The following MAGEB6B variants were observed in gnomAD, a reference collection of about 807,000 sequenced individuals.
The protein encoded by MAGEB6B is MAGE family member B6B.
For missense variants in MAGEB6B, 277 were observed against 251.5 expected, an observed-to-expected ratio of 1.10 and a Z score of -0.69; for synonymous variants, 107 against 102.3, an observed-to-expected ratio of 1.05 and a Z score of -0.27.
exon 1 of MAGEB6B, chrX:26,160,826 G>A: frequency 1.6e-6 from 1 of 628,953 alleles, no homozygotes; most frequent in Non-Finnish European, 2.8e-6. Flanking sequence ...TCCTGATGCA[G>A]GTGCTTCATG....
exon 1 of MAGEB6B, chrX:26,160,665 C>T (rs1180589036): frequency 3.5e-6 from 2 of 571,980 alleles, no homozygotes; most frequent in South Asian, 2.2e-5. Context: ...CATGATCAGC[C>T]GCAAGGTCTC....
At chrX:26,161,041 G>A in exon 1 of MAGEB6B, 1 of 1,080,457 alleles carries the variant, frequency 9.3e-7, no homozygotes, top group Non-Finnish European at 1.3e-6. Context: ...TTCCTCAGGA[G>A]TCTCAGGGAG....
chrX:26,162,333 A>G (rs5944335), downstream of MAGEB6B, among the ~76,000 whole-genome samples: 4,840 of 112,005 alleles, frequency 0.043, 153 homozygotes, highest in African/African-American at 0.11. Context: ...AAATGTAAAA[A>G]TTGTTTAATT....
At chrX:26,161,113 G>A (rs774308458) in exon 1 of MAGEB6B, 2 of 1,006,000 alleles carry the variant, frequency 2.0e-6, no homozygotes, top group Non-Finnish European at 2.8e-6. Context: ...TGGCTGCCAA[G>A]GGTCAAGATG....
chrX:26,162,203 T>A (rs1928700253), downstream of MAGEB6B, among the ~76,000 whole-genome samples: 1 of 112,099 alleles, frequency 8.9e-6, no homozygotes, highest in African/African-American at 3.2e-5. Context: ...ATTCATATTT[T>A]CTTTATAATT....
exon 1 of MAGEB6B, chrX:26,161,234 A>C (rs1161775733): frequency 2.7e-6 from 2 of 732,387 alleles, no homozygotes; most frequent in African/African-American, 4.2e-5. Flanking sequence ...GAAGTTTGAG[A>C]AGAAAGAGCC....
At chrX:26,161,972 G>T (rs148361973), downstream of MAGEB6B, 9,654 of 504,079 alleles carry the variant, frequency 0.019, 89 homozygotes, top group Non-Finnish European at 0.024. Context: ...TATAGTAGAG[G>T]CTGGAGGGAA....
In MAGEB6B at chrX:26,160,833, C is replaced by G; in HGVS notation, c.233C>G (p.Ser78Ter). Reference sequence around the variant, plus strand: ...ACTGGCTATCCTGATGCAGGTGCTTCATGCTCAAAATATGATGTGGCTGCC... The same window carrying G: ...ACTGGCTATCCTGATGCAGGTGCTTGATGCTCAAAATATGATGTGGCTGCC... Residue 78 changes from serine (S) to a stop codon, truncating the protein, a stop_gained, in exon 1 of 1, where the codon TCA (serine) becomes TGA (stop). Transcript: ENST00000416929. LOFTEE classifies it low-confidence loss of function (END_TRUNC). 1.6e-6 allele frequency: 1 copy of G among 623,402 alleles called. No homozygotes were observed. The highest frequency in any genetic ancestry group is 2.8e-6 in the Non-Finnish European group (1 of 359,428). 51.4% of individuals were successfully genotyped at this position (623,402 alleles called of 1,213,427 possible).
chrX:26,161,883 C>T, downstream of MAGEB6B: 1 of 1,089,082 alleles, frequency 9.2e-7, no homozygotes, highest in Non-Finnish European at 1.3e-6. Context: ...TCCTACAGAT[C>T]CTCCCATTTC....
downstream of MAGEB6B, among the ~76,000 whole-genome samples, chrX:26,162,191 C>A (rs1321870622): frequency 9.0e-6 from 1 of 111,540 alleles, no homozygotes; most frequent in Non-Finnish European, 1.9e-5. Context: ...AAATCATACA[C>A]CATTCATATT....
At chrX:26,160,685 C>A (rs781452973) in exon 1 of MAGEB6B, 3 of 572,209 alleles carry the variant, frequency 5.2e-6, no homozygotes, top group East Asian at 6.5e-5. Context: ...CACAGGTCCC[C>A]AGGCCACTGC....
exon 1 of MAGEB6B, chrX:26,161,631 A>T: frequency 8.3e-7 from 1 of 1,211,444 alleles, no homozygotes; most frequent in African/African-American, 1.7e-5. Flanking sequence ...TACGTGGTTT[A>T]CCGGCAGGTG....
At chrX:26,160,635 G>A (rs767190690) in exon 1 of MAGEB6B, 1 of 571,639 alleles carries the variant, frequency 1.7e-6, no homozygotes, top group Non-Finnish European at 3.2e-6. Flanking sequence ...CTCCGTGCCC[G>A]TGGGAAACGC....
At chrX:26,161,472 T>C in exon 1 of MAGEB6B, 6 of 1,182,984 alleles carry the variant, frequency 5.1e-6, no homozygotes, top group Non-Finnish European at 6.9e-6. Flanking sequence ...CTGATGTCGA[T>C]CCTGGGTTTG....
exon 1 of MAGEB6B, chrX:26,161,110 C>T (rs1681122719): frequency 2.9e-6 from 3 of 1,024,252 alleles, no homozygotes; most frequent in Non-Finnish European, 2.8e-6. Flanking sequence ...ATGTGGCTGC[C>T]AAGGGTCAAG....
exon 1 of MAGEB6B, chrX:26,160,666 G>A (rs772325661): frequency 1.1e-5 from 6 of 569,897 alleles, no homozygotes; most frequent in Non-Finnish European, 1.9e-5. Flanking sequence ...ATGATCAGCC[G>A]CAAGGTCTCA....
chrX:26,161,457 G>T, exon 1 of MAGEB6B: 2 of 1,134,730 alleles, frequency 1.8e-6, no homozygotes, highest in Non-Finnish European at 2.4e-6. Flanking sequence ...CCGAAGTCGG[G>T]TCTCCTGATG....
chrX:26,161,263 G>A (rs2146867882), exon 1 of MAGEB6B: 1 of 688,641 alleles, frequency 1.5e-6, no homozygotes, highest in Non-Finnish European at 2.4e-6. Flanking sequence ...AGGCAGACAT[G>A]CTGAAGCGTC....
chrX:26,160,752 C>T (rs375254723), exon 1 of MAGEB6B: 2 of 577,852 alleles, frequency 3.5e-6, no homozygotes, highest in African/African-American at 2.2e-5. Flanking sequence ...TGTCAGGGTG[C>T]TCGTCGTAGG....
Sources: allele counts gnomAD v4.1 joint callset (sites outside exome capture counted in the v4.1 genomes callset), GRCh38; gene constraint gnomAD v4.1.1; transcripts MANE v1.5; gene names NCBI Gene and HGNC (gene_info 2026-07-23, HGNC 2026-07-21).